Variants in NPHP1 observed in about 807,000 individuals in gnomAD.
The protein encoded by NPHP1 is nephrocystin-1.
A neutral mutation model predicts 90.4 loss-of-function variants in NPHP1; 70 were observed. That is an observed-to-expected ratio of 0.77 (90% CI 0.64 to 0.95). The LOEUF is 0.95. NPHP1 is among the 40% of genes least tolerant of loss of function. The pLI is 0.00. For missense variants in NPHP1, 764 were observed against 795.9 expected, an observed-to-expected ratio of 0.96 and a Z score of 0.48; for synonymous variants, 256 against 271.7, an observed-to-expected ratio of 0.94 and a Z score of 0.57.
intron 2 of NPHP1, among the ~76,000 whole-genome samples, chr2:110,183,464 A>G (rs576975477): frequency 6.0e-4 from 92 of 152,188 alleles, no homozygotes; most frequent in African/African-American, 2.1e-3. Context: ...TAGAAACAAT[A>G]CTTATCACTG....
intron 19 of NPHP1, chr2:110,124,597 T>G (rs931367344): frequency 9.8e-6 from 2 of 204,116 alleles, no homozygotes; most frequent in Non-Finnish European, 2.0e-5. Context: ...ATAAGAATGG[T>G]GCAGCATCAG....
chr2:110,133,352 T>C (rs767863629), intron 16 of NPHP1, among the ~76,000 whole-genome samples: 1 of 152,024 alleles, frequency 6.6e-6, no homozygotes, highest in Non-Finnish European at 1.5e-5. Context: ...TCAGAATATA[T>C]AACAATTATA....
At chr2:110,150,814 T>TG (rs796536678) in intron 11 of NPHP1, among the ~76,000 whole-genome samples, 37 of 150,686 alleles carry the variant, frequency 2.5e-4, no homozygotes, top group African/African-American at 9.0e-4. Flanking sequence ...CCTCCCAAAG[T>TG]GCTGGGATTA....
At chr2:110,174,695 T>C (rs1049341634) in intron 4 of NPHP1, among the ~76,000 whole-genome samples, 3 of 152,114 alleles carry the variant, frequency 2.0e-5, no homozygotes, top group African/African-American at 7.2e-5. Flanking sequence ...TTGAGTTGTC[T>C]GGCGTACACA....
intron 4 of NPHP1, 181 bp downstream of exon 4, chr2:110,178,242 T>C (rs1683642732): frequency 1.6e-6 from 1 of 633,064 alleles, no homozygotes; most frequent in Non-Finnish European, 2.7e-6. Context: ...TGACTTACAC[T>C]TCTTTCCATC....
chr2:110,161,726 T>G (rs779283033), intron 9 of NPHP1, 29 bp from the exon 10 acceptor site: 1 of 1,521,314 alleles, frequency 6.6e-7, no homozygotes, highest in African/African-American at 1.4e-5. Context: ...CTTCATTTTC[T>G]TACAAAGAAA....
intron 19 of NPHP1, chr2:110,125,082 G>A: frequency 1.0e-6 from 1 of 962,752 alleles, no homozygotes; most frequent in Non-Finnish European, 1.5e-6. Context: ...CACCAGAGCT[G>A]AGTAGTGTGA....
At chr2:110,195,895 A>G (rs980006699) in intron 2 of NPHP1, among the ~76,000 whole-genome samples, 1 of 152,120 alleles carries the variant, frequency 6.6e-6, no homozygotes, top group Non-Finnish European at 1.5e-5. Context: ...CAAAAACAAG[A>G]AATGGGGAAA....
At chr2:110,173,693 A>G (rs1683321156) in intron 4 of NPHP1, among the ~76,000 whole-genome samples, 1 of 152,198 alleles carries the variant, frequency 6.6e-6, no homozygotes, top group East Asian at 1.9e-4. Context: ...AGTGTATGGT[A>G]ACCTACACCT....
chr2:110,143,773 T>C (rs547398202), intron 15 of NPHP1, 132 bp from the exon 16 acceptor site: 4 of 701,850 alleles, frequency 5.7e-6, no homozygotes, highest in Admixed American at 4.2e-5. Flanking sequence ...GTCATCCATA[T>C]ACCCTAAATG....
intron 2 of NPHP1, among the ~76,000 whole-genome samples, chr2:110,182,771 A>G (rs1021065791): frequency 6.6e-6 from 1 of 152,200 alleles, no homozygotes; most frequent in Non-Finnish European, 1.5e-5. Flanking sequence ...TAATGATGAT[A>G]GGATCAAACT....
intron 2 of NPHP1, among the ~76,000 whole-genome samples, chr2:110,190,397 G>T (rs544893286): frequency 6.6e-6 from 1 of 152,190 alleles, no homozygotes; most frequent in Non-Finnish European, 1.5e-5. Flanking sequence ...AGCTAAGGCC[G>T]GGTGAGAAAT....
At chr2:110,146,690 A>C (rs1313537218) in intron 14 of NPHP1, 63 bp downstream of exon 14, 1 of 1,196,022 alleles carries the variant, frequency 8.4e-7, no homozygotes, top group Non-Finnish European at 1.3e-6. Flanking sequence ...CTGAGGTATC[A>C]AGAGTCTAAA....
intron 18 of NPHP1, 101 bp downstream of exon 18, chr2:110,129,085 T>A: frequency 1.3e-6 from 1 of 777,986 alleles, no homozygotes; most frequent in Non-Finnish European, 2.2e-6. Context: ...GGAGACATCA[T>A]CCTAGTAACA....
At chr2:110,156,190 G>A (rs915446144) in intron 11 of NPHP1, among the ~76,000 whole-genome samples, 3 of 151,382 alleles carry the variant, frequency 2.0e-5, no homozygotes, top group Non-Finnish European at 4.4e-5. Flanking sequence ...CAATTCTCCT[G>A]CCTCAGCCTC....
chr2:110,183,701 T>C (rs923860119), intron 2 of NPHP1, among the ~76,000 whole-genome samples: 4 of 152,084 alleles, frequency 2.6e-5, no homozygotes, highest in Non-Finnish European at 5.9e-5. Context: ...CATACAATAA[T>C]AGTGGGAGAC....
intron 2 of NPHP1, among the ~76,000 whole-genome samples, chr2:110,194,406 G>C (rs1684990980): frequency 6.6e-6 from 1 of 152,120 alleles, no homozygotes; most frequent in Non-Finnish European, 1.5e-5. Context: ...AGAAAATCTA[G>C]AAGAAATGGA....
intron 2 of NPHP1, among the ~76,000 whole-genome samples, chr2:110,193,920 C>A (rs916121087): frequency 8.5e-5 from 13 of 152,060 alleles, no homozygotes; most frequent in African/African-American, 1.9e-4. Context: ...GGATACATAA[C>A]GAAATGAAGG....
intron 18 of NPHP1, chr2:110,127,884 A>C (rs1185109542): frequency 6.6e-6 from 1 of 152,180 alleles, no homozygotes; most frequent in Non-Finnish European, 1.5e-5. Context: ...CCTTATATTA[A>C]TACATAGTAG....
Sources: allele counts gnomAD v4.1 joint callset (sites outside exome capture counted in the v4.1 genomes callset), GRCh38; gene constraint gnomAD v4.1.1; transcripts MANE v1.5; gene names NCBI Gene and HGNC (gene_info 2026-07-23, HGNC 2026-07-21).